DNAJC21: variants seen among roughly 807,000 people sequenced by gnomAD.
DNAJC21 encodes DnaJ heat shock protein family (Hsp40) member C21.
In DNAJC21, 63 loss-of-function variants were observed where a neutral mutation model predicts 72.4. The ratio of observed to expected loss-of-function variants is 0.87; its 90% CI spans 0.71 to 1.07. The LOEUF (loss-of-function observed/expected upper bound fraction) is 1.07, where lower values mean the gene tolerates loss of function less well. Among genes scored for constraint, DNAJC21 ranks in the 50% least tolerant of loss-of-function variants. The pLI, the probability that DNAJC21 is intolerant of heterozygous loss-of-function variation, is 0.00. For missense variants in DNAJC21, 634 were observed against 644.8 expected (o/e 0.98, Z 0.18); for synonymous variants, 203 against 216.7 (o/e 0.94, Z 0.56).
At chr5:34,944,549 C>T (rs367935971) in intron 7 of DNAJC21, among the ~76,000 whole-genome samples, 79 of 151,988 alleles carry the variant, frequency 5.2e-4, no homozygotes, top group Non-Finnish European at 9.7e-4. Flanking sequence ...CTCCCCCTGC[C>T]GACATTCCCC....
intron 9 of DNAJC21, among the ~76,000 whole-genome samples, chr5:34,948,592 TGCGGTG>T (rs1275413252): frequency 6.6e-6 from 1 of 152,178 alleles, no homozygotes; most frequent in East Asian, 1.9e-4. Context: ...GCTGGCCAGG[TGCGGTG>T]GCTCACGCCT....
In DNAJC21 at chr5:34,936,282, A is replaced by G. The variant is rs530183055; in HGVS notation, c.438+16A>G. The G allele has an allele frequency of 4.4e-6, 7 of 1,604,012 alleles. No individual in the cohort carries two copies. The highest frequency in any genetic ancestry group is 5.1e-6 in the Non-Finnish European group (6 of 1,177,684). ...CTATGATACGGTAAAATAAAAATGC[A>G]TTGTTCTATAATTAGTATTTATCAC... On this transcript the variant is annotated intron_variant, in intron 4 of 11. Transcript: ENST00000648817.
intron 1 of DNAJC21, among the ~76,000 whole-genome samples, chr5:34,932,454 C>T (rs1764630751): frequency 6.6e-6 from 1 of 151,688 alleles, no homozygotes; most frequent in African/African-American, 2.4e-5. Context: ...TAGTGTTCTC[C>T]ATAGTCAATT....
At chr5:34,951,464 A>T in intron 10 of DNAJC21, 1 of 984,482 alleles carries the variant, frequency 1.0e-6, no homozygotes. Flanking sequence ...GTGGGCCAGG[A>T]GGTGGGGCTC....
chr5:34,936,186 A>G lies in DNAJC21; in HGVS notation c.358A>G (p.Lys120Glu), dbSNP rs1413663688. The change falls in exon 4 of 12, where the codon AAG becomes GAG. Residue 120 changes from lysine (K) to glutamate (E), a missense_variant. Coordinates refer to ENST00000648817, the MANE Select transcript of DNAJC21 (RefSeq NM_001012339.3). The stretch of plus-strand genomic sequence containing the variant: ...TCGTAATGTTTTTGAAATGATTGCC[A>G]AGGAAGAACTAGAATCTGTGTTAGA... ...VYRNVFEMIA[K>E]EELESVLEEE... 1 of 1,613,980 alleles carries G rather than the reference A, an allele frequency of 6.2e-7. No individual in the cohort carries two copies. The highest frequency in any genetic ancestry group is 8.5e-7 in the Non-Finnish European group (1 of 1,180,004).
Position 34,950,480 on chromosome 5 carries a change from TACAC to T in DNAJC21, c.1358+146_1358+149del, listed in dbSNP as rs938289694. 5.7e-6 allele frequency: 8 copies of T among 1,413,594 alleles called. No individual in the cohort carries two copies. In the African/African-American group the frequency reaches 7.2e-5, roughly 13 times the overall value. 87.6% of individuals were successfully genotyped at this position (1,413,594 alleles called of 1,614,324 possible). A position where few individuals can be genotyped will look rare whatever the true frequency, so the allele number is the denominator to read the frequency against. On this transcript the variant is annotated intron_variant, in intron 10 of 11. Transcript: ENST00000648817. ...GTATCTGTACATATTTATGTATAGA[TACAC>T]ACACACATATGTATACAGATGAAGA...
rs979364033 is a variant in DNAJC21 at position 34,940,102 on chromosome 5, T to C, written c.896-994T>C. Among the ~76,000 whole-genome samples the C allele has an allele frequency of 3.2e-4, 48 of 152,294 alleles. 1 individual carries two copies. Among genetic ancestry groups the C allele is most frequent in the Non-Finnish European group, 6.3e-4 (43 of 68,010 alleles). On this transcript the variant is annotated intron_variant, in intron 6 of 11. Coordinates refer to ENST00000648817, the MANE Select transcript of DNAJC21 (RefSeq NM_001012339.3). The stretch of plus-strand genomic sequence containing the variant: ...GGATCGTCACACAATCCCCCTTACA[T>C]GGAGGTTTTGCTCATGGAATCGTCT...
rs1394275641 is a variant in DNAJC21, at chr5:34,958,786, A to C, written c.*4072A>C. On this transcript the variant is annotated 3_prime_UTR_variant, in exon 12 of 12. Coordinates refer to ENST00000648817, the MANE Select transcript of DNAJC21 (RefSeq NM_001012339.3). ...ACACTCTTCAAAAGTGAGAACCCCAAAGAGTTTTCATGTATGTGGGTTAAA... is the reference window on the plus strand; with the variant it reads ...ACACTCTTCAAAAGTGAGAACCCCACAGAGTTTTCATGTATGTGGGTTAAA... The C allele has an allele frequency of 6.6e-6, 1 of 152,308 alleles. No homozygotes were observed. Among genetic ancestry groups the C allele is most frequent in the East Asian group, 1.9e-4 (1 of 5,172 alleles). The allele number at this position is 152,308 out of a possible 1,614,324, so 9.4% of individuals were successfully genotyped here.
At chr5:34,945,899 T>A in intron 9 of DNAJC21, 96 bp downstream of exon 9, 1 of 800,152 alleles carries the variant, frequency 1.2e-6, no homozygotes, top group Non-Finnish European at 1.9e-6. Context: ...GAGAAACTTA[T>A]ACTCCATAAT....
chr5:34,952,397 T>A, intron 10 of DNAJC21: 1 of 342,678 alleles, frequency 2.9e-6, no homozygotes. Context: ...ATCTGCATTT[T>A]TTAAATGCAT....
chr5:34,958,882 C>G lies in DNAJC21; in HGVS notation c.*4168C>G, dbSNP rs1239122745. On this transcript the variant is annotated 3_prime_UTR_variant, in exon 12 of 12. Coordinates refer to ENST00000648817, the MANE Select transcript of DNAJC21 (RefSeq NM_001012339.3). ...TAAGAAGAATGACTATTTTTCAAAA[C>G]AAAAAATGAGAAGAGTGGTATTGTT... 3 of 151,928 alleles carry G rather than the reference C, an allele frequency of 2.0e-5. No homozygotes were observed. Among genetic ancestry groups the G allele is most frequent in the Non-Finnish European group, 4.4e-5 (3 of 67,920 alleles). The allele number at this position is 151,928 out of a possible 1,614,324, so 9.4% of individuals were successfully genotyped here. A position where few individuals can be genotyped will look rare whatever the true frequency, so the allele number is the denominator to read the frequency against.
intron 10 of DNAJC21, chr5:34,950,547 A>T: frequency 8.3e-7 from 1 of 1,208,410 alleles, no homozygotes; most frequent in East Asian, 3.7e-5. Context: ...GTGCCCACAC[A>T]CATCTCAGCA....
At chr5:34,948,807 GTGAGC>G (rs1765255299) in intron 9 of DNAJC21, among the ~76,000 whole-genome samples, 1 of 152,092 alleles carries the variant, frequency 6.6e-6, no homozygotes, top group African/African-American at 2.4e-5. Context: ...TGAGGTTGCA[GTGAGC>G]TGAGATCACG....
intron 1 of DNAJC21, 101 bp from the exon 2 acceptor site, chr5:34,933,714 G>A (rs939186338): frequency 5.0e-6 from 4 of 803,252 alleles, no homozygotes; most frequent in Non-Finnish European, 7.9e-6. Flanking sequence ...TTCTTGTTTT[G>A]TGCACGTCTC....
chr5:34,953,436 A>G (rs1178231804), intron 10 of DNAJC21: 1 of 151,928 alleles, frequency 6.6e-6, no homozygotes, highest in African/African-American at 2.4e-5. Context: ...AATTTTTTAT[A>G]TTTTTAATAG....
At position 34,945,014 on chromosome 5, in the gene DNAJC21, A is replaced by G. The variant is rs1248580700; in HGVS notation, c.1131A>G (p.Ala377=). ...DDNSEEEMED[A]PKQKLSKKQK... ...ATTCTGAGGAAGAAATGGAAGATGC[A>G]CCAAAACAAAAGTACTTCTAAATAT... The change falls in exon 8 of 12, where the codon GCA becomes GCG. Residue 377 remains alanine, a synonymous_variant. Transcript: ENST00000648817. 2.6e-5 allele frequency: 42 copies of G among 1,612,830 alleles called. No individual in the cohort carries two copies. The highest frequency in any genetic ancestry group is 3.5e-5 in the Non-Finnish European group (41 of 1,179,790).
chr5:34,953,296 CTG>C (rs1488823950), intron 10 of DNAJC21, among the ~76,000 whole-genome samples: 2 of 151,760 alleles, frequency 1.3e-5, no homozygotes, highest in African/African-American at 4.8e-5. Flanking sequence ...CAGTCTTACT[CTG>C]TCACCCCAGC....
At chr5:34,950,099 G>T in intron 9 of DNAJC21, 71 bp from the exon 10 acceptor site, 2 of 1,473,078 alleles carry the variant, frequency 1.4e-6, no homozygotes, top group South Asian at 3.0e-5. Context: ...TAACTATTTG[G>T]CAACATAACA....
rs1765573685 is a variant in DNAJC21 at position 34,957,620 on chromosome 5, A to T, written c.*2906A>T. The T allele has an allele frequency of 6.6e-6, 1 of 152,164 alleles. No homozygotes were observed. The highest frequency in any genetic ancestry group is 1.5e-5 in the Non-Finnish European group (1 of 68,016). The allele number at this position is 152,164 out of a possible 1,614,324, so 9.4% of individuals were successfully genotyped here. ...TCATCAGAAGTTTTCATTTTTTCTA[A>T]ATCCTCCCCTACAAAATTTTCAGAT... On this transcript the variant is annotated 3_prime_UTR_variant, in exon 12 of 12. Coordinates refer to ENST00000648817, the MANE Select transcript of DNAJC21 (RefSeq NM_001012339.3).
Sources: gnomAD v4.1 joint callset for allele counts (sites outside exome capture counted in the v4.1 genomes callset) on GRCh38, gnomAD v4.1.1 for gene constraint, MANE v1.5 for transcripts, NCBI Gene and HGNC (gene_info 2026-07-23, HGNC 2026-07-21) for gene names.